Variants in TRPM3 observed in about 807,000 individuals in gnomAD.
TRPM3 encodes the protein long transient receptor potential channel 3.
Under a neutral mutation model 181.2 loss-of-function variants are expected in TRPM3, and 77 were observed. The ratio of observed to expected loss-of-function variants is 0.42; its 90% CI spans 0.35 to 0.51. The LOEUF is 0.51. TRPM3 is among the 20% of genes least tolerant of loss of function. The pLI is 0.01. For synonymous variants in TRPM3, 745 were observed against 796.4 expected, an observed-to-expected ratio of 0.94 and a Z score of 1.09; for missense variants, 1,759 against 2,196.7, an observed-to-expected ratio of 0.80 and a Z score of 3.98.
intron 5 of TRPM3, among the ~76,000 whole-genome samples, chr9:70,828,701 A>ATT (rs1313239960): frequency 0.031 from 3,603 of 116,320 alleles, 91 homozygotes; most frequent in Admixed American, 0.065. Flanking sequence ...GGCCTTCCAG[A>ATT]TTTTTTTTTT....
intron 1 of TRPM3, among the ~76,000 whole-genome samples, chr9:71,317,651 AAAAG>A (rs1175128268): frequency 4.2e-5 from 6 of 142,752 alleles, no homozygotes; most frequent in Non-Finnish European, 9.1e-5. Context: ...AAAAAAAAAA[AAAAG>A]AAAAAGAAAA....
intron 1 of TRPM3, among the ~76,000 whole-genome samples, chr9:71,137,889 G>T (rs2074862774): frequency 6.6e-6 from 1 of 152,140 alleles, no homozygotes; most frequent in Non-Finnish European, 1.5e-5. Flanking sequence ...GGCCGAGGTG[G>T]GCAGACTGCC....
At chr9:71,291,736 TCTGATACA>T (rs2085831690) in intron 1 of TRPM3, among the ~76,000 whole-genome samples, 1 of 152,108 alleles carries the variant, frequency 6.6e-6, no homozygotes, top group African/African-American at 2.4e-5. Flanking sequence ...TAGTGGAAGT[TCTGATACA>T]CTGATAATTG....
chr9:71,015,807 AT>A (rs1325855130), intron 1 of TRPM3, among the ~76,000 whole-genome samples: 1 of 152,124 alleles, frequency 6.6e-6, no homozygotes, highest in African/African-American at 2.4e-5. Context: ...TTTGTTTTGA[AT>A]GGAATATTCA....
At chr9:71,144,049 C>A (rs1168455179) in intron 1 of TRPM3, among the ~76,000 whole-genome samples, 2 of 152,140 alleles carry the variant, frequency 1.3e-5, no homozygotes, top group African/African-American at 4.8e-5. Context: ...CAAGCAACAT[C>A]ATTTCTTTTT....
intron 1 of TRPM3, among the ~76,000 whole-genome samples, chr9:71,191,804 A>AAAAACC (rs10676674): frequency 0.022 from 3,263 of 149,380 alleles, 48 homozygotes; most frequent in South Asian, 0.07. Context: ...AAAAAAAAAA[A>AAAAACC]ATCACATCGT....
chr9:71,390,158 T>C (rs1464871215), intron 1 of TRPM3, among the ~76,000 whole-genome samples: 2 of 151,848 alleles, frequency 1.3e-5, no homozygotes, highest in Non-Finnish European at 2.9e-5. Context: ...TCCATGGACA[T>C]CCACAGATAG....
At chr9:71,433,250 C>A (rs1436771367) in intron 1 of TRPM3, among the ~76,000 whole-genome samples, 8 of 152,126 alleles carry the variant, frequency 5.3e-5, no homozygotes, top group Admixed American at 5.2e-4. Flanking sequence ...TCCCATAATC[C>A]CCATATCATG....
intron 1 of TRPM3, among the ~76,000 whole-genome samples, chr9:71,253,823 T>C (rs1382627920): frequency 2.6e-5 from 4 of 152,166 alleles, no homozygotes; most frequent in South Asian, 2.1e-4. Flanking sequence ...AATGGATGAA[T>C]TGGTAAAGAA....
chr9:71,089,127 C>T (rs1411507499), intron 1 of TRPM3, among the ~76,000 whole-genome samples: 2 of 146,282 alleles, frequency 1.4e-5, no homozygotes, highest in Non-Finnish European at 3.0e-5. Flanking sequence ...TTGTATATAT[C>T]ATATATATTA....
chr9:70,864,162 C>CA (rs1235382909), intron 2 of TRPM3, among the ~76,000 whole-genome samples: 3 of 151,814 alleles, frequency 2.0e-5, no homozygotes, highest in Non-Finnish European at 4.4e-5. Context: ...ATAACCATAA[C>CA]AAAAAACATA....
intron 18 of TRPM3, among the ~76,000 whole-genome samples, chr9:70,612,835 T>G (rs752506294): frequency 3.9e-5 from 6 of 152,230 alleles, no homozygotes; most frequent in Non-Finnish European, 7.3e-5. Context: ...TCTGTTCTGC[T>G]TATTTATATG....
chr9:70,747,059 AATTC>A (rs2075282927), intron 8 of TRPM3, among the ~76,000 whole-genome samples: 1 of 152,172 alleles, frequency 6.6e-6, no homozygotes, highest in Non-Finnish European at 1.5e-5. Flanking sequence ...TATACATCTG[AATTC>A]ATTCATTCAT....
intron 11 of TRPM3, among the ~76,000 whole-genome samples, chr9:70,635,547 C>G (rs1589609134): frequency 6.7e-6 from 1 of 149,914 alleles, no homozygotes; most frequent in Admixed American, 6.7e-5. Flanking sequence ...ACTGCAGCCT[C>G]GAACTCTTGG....
At chr9:71,418,185 AC>A (rs1415668557) in intron 1 of TRPM3, among the ~76,000 whole-genome samples, 1 of 151,940 alleles carries the variant, frequency 6.6e-6, no homozygotes, top group African/African-American at 2.4e-5. Flanking sequence ...CTTCCACCAC[AC>A]TGGCAATGGG....
At chr9:71,169,514 C>CA (rs552709658) in intron 1 of TRPM3, among the ~76,000 whole-genome samples, 21 of 151,954 alleles carry the variant, frequency 1.4e-4, no homozygotes, top group Non-Finnish European at 2.9e-4. Context: ...TTGATAGAAC[C>CA]AAAAAAACAT....
intron 6 of TRPM3, among the ~76,000 whole-genome samples, chr9:70,796,664 T>C (rs2087117959): frequency 6.6e-6 from 1 of 152,234 alleles, no homozygotes; most frequent in African/African-American, 2.4e-5. Context: ...TACATATAGC[T>C]TTTGAAGTTT....
At chr9:70,755,669 C>A (rs567218413) in intron 8 of TRPM3, among the ~76,000 whole-genome samples, 1 of 152,004 alleles carries the variant, frequency 6.6e-6, no homozygotes, top group African/African-American at 2.4e-5. Flanking sequence ...ACCCGGCCAT[C>A]GACATTCTTA....
chr9:70,963,027 G>A (rs2097152353), intron 1 of TRPM3, among the ~76,000 whole-genome samples: 1 of 152,188 alleles, frequency 6.6e-6, no homozygotes, highest in Admixed American at 6.5e-5. Context: ...AGAAGAAAGA[G>A]CTGCTCCATA....
Sources: allele counts gnomAD v4.1 joint callset (sites outside exome capture counted in the v4.1 genomes callset), GRCh38; gene constraint gnomAD v4.1.1; transcripts MANE v1.5; gene names NCBI Gene and HGNC (gene_info 2026-07-23, HGNC 2026-07-21).